The following PIK3C2G variants were observed in gnomAD, a reference collection of about 807,000 sequenced individuals.
PIK3C2G encodes the protein phosphatidylinositol-4-phosphate 3-kinase catalytic subunit type 2 gamma.
In PIK3C2G, 168 loss-of-function variants were observed where a neutral mutation model predicts 181.1. The observed-to-expected ratio is 0.93, with a 90% CI of 0.82 to 1.05. PIK3C2G has a LOEUF of 1.05. Ranked by LOEUF, PIK3C2G falls within the 50% of genes least tolerant of loss-of-function variation. PIK3C2G has a pLI of 0.00. For synonymous variants in PIK3C2G, 573 were observed against 592.2 expected, an observed-to-expected ratio of 0.97 and a Z score of 0.47; for missense variants, 1,869 against 1,732.8, an observed-to-expected ratio of 1.08 and a Z score of -1.40.
At chr12:18,504,823 A>T (rs1261291770) in intron 23 of PIK3C2G, among the ~76,000 whole-genome samples, 2 of 152,258 alleles carry the variant, frequency 1.3e-5, no homozygotes, top group Admixed American at 1.3e-4. Flanking sequence ...AAATACACAT[A>T]AAATGTTACA....
chr12:18,667,465 CTA>C, the PIK3C2G span, among the ~76,000 whole-genome samples: 1 of 152,080 alleles, frequency 6.6e-6, no homozygotes, highest in Non-Finnish European at 1.5e-5. Context: ...ACACTAAGTA[CTA>C]TGTTTTGAGA....
In PIK3C2G at chr12:18,293,839, A is replaced by C. The variant is rs186129398; in HGVS notation, c.920-62A>C. The C allele has an allele frequency of 1.3e-3, 970 of 772,014 alleles. 5 individuals are homozygous for C. The highest frequency in any genetic ancestry group is 7.2e-3 in the African/African-American group (412 of 57,534). 47.8% of individuals were successfully genotyped at this position (772,014 alleles called of 1,614,324 possible). On this transcript the variant is annotated intron_variant, in intron 4 of 32. Coordinates refer to ENST00000538779, the MANE Select transcript of PIK3C2G (RefSeq NM_001288772.2). ...TGTTGGTCATATTTTGTGCTCAAAA[A>C]CTTTTCCTAGTCAGTATATGATACA...
chr12:18,688,208 C>T, the PIK3C2G span: 1 of 1,608,638 alleles, frequency 6.2e-7, no homozygotes, highest in Non-Finnish European at 8.5e-7. Flanking sequence ...CAACTGGATA[C>T]CACTGATGAG....
At chr12:18,572,611 T>G (rs755933343) in intron 29 of PIK3C2G, among the ~76,000 whole-genome samples, 1 of 151,844 alleles carries the variant, frequency 6.6e-6, no homozygotes, top group Non-Finnish European at 1.5e-5. Context: ...CTTGAATTTG[T>G]GCTATGATGT....
At chr12:18,623,552 C>T (rs765238279) in intron 31 of PIK3C2G, among the ~76,000 whole-genome samples, 1 of 151,460 alleles carries the variant, frequency 6.6e-6, no homozygotes, top group Non-Finnish European at 1.5e-5. Context: ...TTTTAGGATT[C>T]CTTTTTTTCT....
chr12:18,423,981 G>A lies in PIK3C2G; in HGVS notation c.2446G>A (p.Val816Met), dbSNP rs773498414. 1 of 1,611,760 alleles carries A rather than the reference G, an allele frequency of 6.2e-7. No homozygotes were observed. Among genetic ancestry groups the A allele is most frequent in the Admixed American group, 1.7e-5 (1 of 59,774 alleles). Residue 816 changes from valine to methionine, a missense_variant, in exon 18 of 33, where the codon GTG (valine) becomes ATG (methionine). Coordinates refer to ENST00000538779, the MANE Select transcript of PIK3C2G (RefSeq NM_001288772.2). ...TGAATGGAACCTTGAGAGTCCTTTA[G>A]TGCAACTTCTACTCCACCGCTCCTT... ...KFEWNLESPL[V>M]QLLLHRSLQS...
At chr12:18,712,839 T>A in the PIK3C2G span, 1 of 1,613,574 alleles carries the variant, frequency 6.2e-7, no homozygotes, top group Non-Finnish European at 8.5e-7. Flanking sequence ...GATATGTACA[T>A]ACCATGAATG....
intron 1 of PIK3C2G, among the ~76,000 whole-genome samples, chr12:18,277,620 T>C (rs1949038360): frequency 6.6e-6 from 1 of 152,172 alleles, no homozygotes; most frequent in African/African-American, 2.4e-5. Flanking sequence ...CTTCCTCCTG[T>C]AGATATTCTT....
intron 31 of PIK3C2G, among the ~76,000 whole-genome samples, chr12:18,628,837 G>A (rs891286536): frequency 6.6e-6 from 1 of 152,092 alleles, no homozygotes; most frequent in African/African-American, 2.4e-5. Context: ...TGGCATGGTA[G>A]TTCCAGCTAC....
chr12:18,711,252 G>T, the PIK3C2G span, among the ~76,000 whole-genome samples: 1 of 151,238 alleles, frequency 6.6e-6, no homozygotes. Context: ...GATGAAACTG[G>T]AAACCATCAT....
chr12:18,292,227 A>AAAAAAAAAAAT lies in PIK3C2G; in HGVS notation c.919+1216_919+1217insAAAAAAAAATA. The stretch of plus-strand genomic sequence containing the variant: ...CTCCATCTCAAAAAAAAAAAAAAAA[A>AAAAAAAAAAAT]ATATATATATATATATATATATATA... On this transcript the variant is annotated intron_variant, in intron 4 of 32. Transcript: ENST00000538779. 2.9e-3 allele frequency among the ~76,000 whole-genome samples: 141 copies of AAAAAAAAAAAT among 48,650 alleles called. 2 individuals are homozygous for AAAAAAAAAAAT. Among genetic ancestry groups the AAAAAAAAAAAT allele is most frequent in the Non-Finnish European group, 4.1e-3 (121 of 29,874 alleles). 31.9% of individuals were successfully genotyped at this position (48,650 alleles called of 152,430 possible).
chr12:18,410,454 A>T (rs1944798113), intron 16 of PIK3C2G, among the ~76,000 whole-genome samples: 1 of 151,648 alleles, frequency 6.6e-6, no homozygotes, highest in Non-Finnish European at 1.5e-5. Context: ...GCAGTGAGCC[A>T]AGATTGCGCT....
At chr12:18,634,319 TC>T (rs1264261241) in intron 31 of PIK3C2G, among the ~76,000 whole-genome samples, 2 of 152,106 alleles carry the variant, frequency 1.3e-5, no homozygotes, top group Non-Finnish European at 2.9e-5. Flanking sequence ...AGCTGGCTTC[TC>T]CTACAACCAA....
intron 11 of PIK3C2G, among the ~76,000 whole-genome samples, chr12:18,362,531 G>C (rs1941327580): frequency 6.6e-6 from 1 of 152,150 alleles, no homozygotes; most frequent in African/African-American, 2.4e-5. Context: ...CTTTCAAAAG[G>C]AATCGGTCAG....
intron 5 of PIK3C2G, among the ~76,000 whole-genome samples, chr12:18,306,464 C>A (rs1950424868): frequency 6.6e-6 from 1 of 152,042 alleles, no homozygotes; most frequent in Non-Finnish European, 1.5e-5. Flanking sequence ...TCAAGAAGCA[C>A]TGGTTTAGTG....
In PIK3C2G at chr12:18,503,323, T is replaced by C. The variant is rs749211556; in HGVS notation, c.3059T>C (p.Ile1020Thr). 18 of 1,612,072 alleles carry C rather than the reference T, an allele frequency of 1.1e-5. No individual in the cohort carries two copies. The African/African-American group carries it at 2.4e-4, about 22-fold the overall frequency. Residue 1020 changes from isoleucine (I) to threonine (T), a missense_variant, in exon 23 of 33, where the codon ATT becomes ACT. Coordinates refer to ENST00000538779, the MANE Select transcript of PIK3C2G (RefSeq NM_001288772.2). ...CCTGATGCTGTGACCCTAGCAAAGA[T>C]TCATCGCCATTCTGGACTGATAGGA... ...MVPDAVTLAK[I>T]HRHSGLIGPL...
At chr12:18,658,131 T>C in the PIK3C2G span, among the ~76,000 whole-genome samples, 7 of 152,132 alleles carry the variant, frequency 4.6e-5, no homozygotes, top group Admixed American at 2.0e-4. Flanking sequence ...AGTAAGTTCA[T>C]TGAGATTTCC....
chr12:18,248,497 C>T (rs1948064556), intron 1 of PIK3C2G, among the ~76,000 whole-genome samples: 1 of 152,036 alleles, frequency 6.6e-6, no homozygotes, highest in African/African-American at 2.4e-5. Flanking sequence ...GGTGTGAACC[C>T]GGGGCGGAGC....
intron 1 of PIK3C2G, among the ~76,000 whole-genome samples, chr12:18,254,915 A>C (rs1246464711): frequency 6.6e-6 from 1 of 151,768 alleles, no homozygotes; most frequent in South Asian, 2.1e-4. Flanking sequence ...TAAAAATTTA[A>C]AAAAAGAAAG....
Sources: gnomAD v4.1 joint callset for allele counts (sites outside exome capture counted in the v4.1 genomes callset) on GRCh38, gnomAD v4.1.1 for gene constraint, MANE v1.5 for transcripts, NCBI Gene and HGNC (gene_info 2026-07-23, HGNC 2026-07-21) for gene names.